The following SGMS1 variants were observed in gnomAD, a reference collection of about 807,000 sequenced individuals.
SGMS1 encodes the protein phosphatidylcholine:ceramide cholinephosphotransferase 1.
A neutral mutation model predicts 46.2 loss-of-function variants in SGMS1; 13 were observed. The ratio of observed to expected loss-of-function variants is 0.28; its 90% confidence interval spans 0.18 to 0.45. The LOEUF (loss-of-function observed/expected upper bound fraction) is 0.45, where lower values mean the gene tolerates loss of function less well. Ranked by LOEUF, SGMS1 falls within the 20% of genes least tolerant of loss-of-function variation. The pLI is 1.00. For synonymous variants in SGMS1, 203 were observed against 187.8 expected, an observed-to-expected ratio of 1.08 and a Z score of -0.66; for missense variants, 324 against 519.9, an observed-to-expected ratio of 0.62 and a Z score of 3.66.
chr10:50,307,060 G>A lies in SGMS1; in HGVS notation c.*82C>T, dbSNP rs1847189730. ...ACCATTGAAAGATAATAGGATTAGG[G>A]AGGTGTTTATTTTATGGCATCTTCT... is the stretch of plus-strand genomic sequence containing the variant. On this transcript the variant is annotated 3_prime_UTR_variant, in exon 11 of 11. Transcript: ENST00000361781. This position sits in a 1 kb window ranked among gnomAD's most constrained non-coding sequence, Gnocchi z 4.2. 1.5e-6 allele frequency: 2 copies of A among 1,318,906 alleles called. No homozygotes were observed. The highest frequency in any genetic ancestry group is 1.4e-5 in the South Asian group (1 of 72,052). 81.7% of individuals were successfully genotyped at this position (1,318,906 alleles called of 1,614,324 possible).
intron 6 of SGMS1, among the ~76,000 whole-genome samples, chr10:50,415,824 C>T (rs190216369): frequency 4.6e-5 from 7 of 152,222 alleles, no homozygotes; most frequent in East Asian, 1.9e-4. Context: ...TAGGTGCTAA[C>T]GTAAATTTAA....
chr10:50,313,682 C>T (rs890188451), intron 8 of SGMS1, among the ~76,000 whole-genome samples: 2 of 152,134 alleles, frequency 1.3e-5, no homozygotes, highest in African/African-American at 4.8e-5. Context: ...TAATGCTTTT[C>T]TAAAATTCCC....
At chr10:50,384,901 C>T (rs993643124) in intron 6 of SGMS1, among the ~76,000 whole-genome samples, 3 of 152,150 alleles carry the variant, frequency 2.0e-5, no homozygotes, top group African/African-American at 7.2e-5. Context: ...GGTTAGAATT[C>T]TGTTAACTAA....
At chr10:50,369,943 T>G (rs1848408731) in intron 6 of SGMS1, among the ~76,000 whole-genome samples, 1 of 152,258 alleles carries the variant, frequency 6.6e-6, no homozygotes. Context: ...TAAAAACTTG[T>G]ACAGCATTCT....
chr10:50,312,239 G>A (rs1847266899), intron 8 of SGMS1, among the ~76,000 whole-genome samples: 1 of 151,296 alleles, frequency 6.6e-6, no homozygotes, highest in African/African-American at 2.4e-5. Flanking sequence ...TAAGAATCTA[G>A]CTTTGGGCAA....
chr10:50,599,359 T>C (rs1838627050), intron 1 of SGMS1, among the ~76,000 whole-genome samples: 1 of 152,176 alleles, frequency 6.6e-6, no homozygotes, highest in Non-Finnish European at 1.5e-5. Context: ...AATATAGAAT[T>C]TAATAAAACA....
intron 6 of SGMS1, among the ~76,000 whole-genome samples, chr10:50,360,654 G>T (rs1916568): frequency 0.022 from 3,407 of 152,134 alleles, 139 homozygotes; most frequent in African/African-American, 0.076. Flanking sequence ...CTCAAGAATG[G>T]AGGACCTAAT....
Position 50,623,770 on chromosome 10 carries a change from C to CCGGGG in SGMS1, c.-752_-748dup, listed in dbSNP as rs1838881371. 1 of 985,504 alleles carries CCGGGG rather than the reference C, an allele frequency of 1.0e-6. No homozygotes were observed. The allele number at this position is 985,504 out of a possible 1,614,324, so 61.0% of individuals were successfully genotyped here. Reference sequence around the variant, plus strand: ...CGGAGCCCCCGCCGCGGAATGAAATCCGGGGCAGGGCAGCGTCGGGGCTCC... The same window carrying CCGGGG: ...CGGAGCCCCCGCCGCGGAATGAAATCCGGGGCGGGGCAGGGCAGCGTCGGGGCTCC... On this transcript the variant is annotated 5_prime_UTR_variant, in exon 1 of 11. Coordinates refer to ENST00000361781, the MANE Select transcript of SGMS1 (RefSeq NM_147156.4).
chr10:50,515,660 A>G (rs773469916), intron 3 of SGMS1, among the ~76,000 whole-genome samples: 2 of 152,190 alleles, frequency 1.3e-5, no homozygotes, highest in African/African-American at 2.4e-5. Context: ...CCTGACAAGC[A>G]TCTCCAGTAC....
upstream of SGMS1, chr10:50,625,125 G>A (rs1429977689): frequency 1.1e-5 from 10 of 934,718 alleles, no homozygotes; most frequent in Admixed American, 6.2e-5. Flanking sequence ...CCCCTGGCTT[G>A]CCCAGAGGAC....
intron 3 of SGMS1, among the ~76,000 whole-genome samples, chr10:50,477,556 G>A (rs1245639578): frequency 6.6e-6 from 1 of 152,198 alleles, no homozygotes; most frequent in Non-Finnish European, 1.5e-5. Context: ...AAGGACATGA[G>A]ATTCGGGAGG....
At chr10:50,387,648 G>C (rs1848700962) in intron 6 of SGMS1, among the ~76,000 whole-genome samples, 1 of 152,056 alleles carries the variant, frequency 6.6e-6, no homozygotes, top group South Asian at 2.1e-4. Flanking sequence ...ATTGTCAAAT[G>C]AAAAAAGCAA....
At chr10:50,420,540 A>C (rs57185346) in intron 6 of SGMS1, among the ~76,000 whole-genome samples, 4,536 of 152,344 alleles carry the variant, frequency 0.03, 227 homozygotes, top group African/African-American at 0.1. Context: ...AGTAGAGATC[A>C]AAAGGAACAC....
intron 6 of SGMS1, among the ~76,000 whole-genome samples, chr10:50,372,414 C>T (rs1287274052): frequency 2.0e-5 from 3 of 152,122 alleles, no homozygotes; most frequent in East Asian, 1.9e-4. Flanking sequence ...GCTAATAGGC[C>T]GGGCACACGG....
intron 6 of SGMS1, among the ~76,000 whole-genome samples, chr10:50,397,717 A>G (rs963091534): frequency 6.6e-6 from 1 of 152,252 alleles, no homozygotes; most frequent in Non-Finnish European, 1.5e-5. Context: ...CCGTTTGCCA[A>G]TGATGATAAA....
chr10:50,470,422 C>A (rs905285813), intron 3 of SGMS1, among the ~76,000 whole-genome samples: 2 of 151,704 alleles, frequency 1.3e-5, no homozygotes, highest in Non-Finnish European at 2.9e-5. Context: ...TTTAACTGAA[C>A]CTTTTCTTCC....
At chr10:50,495,262 GAAAA>G in intron 3 of SGMS1, among the ~76,000 whole-genome samples, 1 of 119,382 alleles carries the variant, frequency 8.4e-6, no homozygotes, top group East Asian at 2.3e-4. Context: ...AAAAAGTTAA[GAAAA>G]AAAAAAAAGG....
At chr10:50,488,266 A>G (rs1262103440) in intron 3 of SGMS1, among the ~76,000 whole-genome samples, 1 of 152,076 alleles carries the variant, frequency 6.6e-6, no homozygotes, top group Non-Finnish European at 1.5e-5. Context: ...CATCCACCTC[A>G]GCCACCCAAA....
chr10:50,498,000 C>T (rs983665150), intron 3 of SGMS1, among the ~76,000 whole-genome samples: 2 of 152,190 alleles, frequency 1.3e-5, no homozygotes, highest in South Asian at 4.1e-4. Context: ...CTGCTAAAAA[C>T]TCTCAGAGTA....
Sources: gnomAD v4.1 joint callset for allele counts (sites outside exome capture counted in the v4.1 genomes callset) on GRCh38, gnomAD v4.1.1 for gene constraint, Gnocchi (gnomAD v3.1) non-coding constraint, MANE v1.5 for transcripts, NCBI Gene and HGNC (gene_info 2026-07-23, HGNC 2026-07-21) for gene names.